SEMA4B: variants seen among roughly 807,000 people sequenced by gnomAD.
SEMA4B encodes the protein semaphorin-4B.
A neutral mutation model predicts 88.1 loss-of-function variants in SEMA4B; 55 were observed. That is an observed-to-expected ratio of 0.62 (90% CI 0.50 to 0.78). The LOEUF is 0.78. SEMA4B is among the 30% of genes least tolerant of loss of function. The pLI, the probability that SEMA4B is intolerant of heterozygous loss-of-function variation, is 0.00. For missense variants in SEMA4B, 1,062 were observed against 1,111.9 expected (o/e 0.96, Z 0.64); for synonymous variants, 525 against 473.6 (o/e 1.11, Z -1.41).
chr15:90,203,635 G>A (rs1308257083), intron 1 of SEMA4B, among the ~76,000 whole-genome samples: 4 of 152,178 alleles, frequency 2.6e-5, no homozygotes, highest in South Asian at 2.1e-4. Context: ...CTACAAGCCC[G>A]TGACTGTTCC....
At chr15:90,226,321 A>T (rs1476244742) in intron 12 of SEMA4B, among the ~76,000 whole-genome samples, 1 of 152,140 alleles carries the variant, frequency 6.6e-6, no homozygotes, top group African/African-American at 2.4e-5. Context: ...TAGATAACAA[A>T]AATCCTTTTA....
chr15:90,186,955 C>CA (rs1241426478), intron 1 of SEMA4B, among the ~76,000 whole-genome samples: 1 of 151,820 alleles, frequency 6.6e-6, no homozygotes, highest in African/African-American at 2.4e-5. Flanking sequence ...TAATAAAAAA[C>CA]AAAAAAATAA....
intron 4 of SEMA4B, 156 bp downstream of exon 4, chr15:90,220,047 C>A (rs1362411818): frequency 3.4e-6 from 2 of 581,936 alleles, no homozygotes; most frequent in Non-Finnish European, 6.0e-6. Flanking sequence ...AGGTCCCACA[C>A]CCTGGCACAA....
At chr15:90,198,138 C>T (rs925745676), upstream of SEMA4B, among the ~76,000 whole-genome samples, 1 of 151,862 alleles carries the variant, frequency 6.6e-6, no homozygotes, top group Non-Finnish European at 1.5e-5. Context: ...ACCATGGTCT[C>T]GATCTCCTGA....
Position 90,225,845 on chromosome 15 carries a change from C to T in SEMA4B, c.1688+18C>T, listed in dbSNP as rs778506295. The T allele has an allele frequency of 1.9e-5, 29 of 1,500,006 alleles. No individual in the cohort carries two copies. The highest frequency in any genetic ancestry group is 2.4e-5 in the Non-Finnish European group (27 of 1,126,064). The allele number at this position is 1,500,006 out of a possible 1,614,324, so 92.9% of individuals were successfully genotyped here. A position where few individuals can be genotyped will look rare whatever the true frequency, so the allele number is the denominator to read the frequency against. ...GCCACCAGGTGAGCACTCCCAAAGG[C>T]CCCTTCCCATCTGTCCAGCCCTGCA... On this transcript the variant is annotated intron_variant, in intron 12 of 13. Coordinates refer to ENST00000411539, the MANE Select transcript of SEMA4B (RefSeq NM_198925.4).
upstream of SEMA4B, among the ~76,000 whole-genome samples, chr15:90,197,576 T>C (rs1255658679): frequency 6.6e-6 from 1 of 151,488 alleles, no homozygotes; most frequent in African/African-American, 2.4e-5. Context: ...TAGCTGGGAC[T>C]ACAGGCGCCC....
In SEMA4B at chr15:90,217,512, G is replaced by A; in HGVS notation, c.231G>A (p.Arg77=). 1 of 1,613,964 alleles carries A rather than the reference G, an allele frequency of 6.2e-7. No individual in the cohort carries two copies. Among genetic ancestry groups the A allele is most frequent in the Non-Finnish European group, 8.5e-7 (1 of 1,179,886 alleles). Residue 77 remains arginine (R), a synonymous_variant, in exon 2 of 14, where the codon AGG becomes AGA. Coordinates refer to ENST00000411539, the MANE Select transcript of SEMA4B (RefSeq NM_198925.4). ...ISNYTALLLS[R]DGRTLYVGAR... is the part of the protein sequence containing the mutation. The stretch of plus-strand genomic sequence containing the variant: ...ACTACACAGCCCTTCTGCTGAGCAG[G>A]GATGGCAGGACCCTGTACGTGGGTG...
In SEMA4B at chr15:90,221,756, C is replaced by T. The variant is rs370338036; in HGVS notation, c.852C>T (p.Arg284=). 2.8e-4 allele frequency: 453 copies of T among 1,613,842 alleles called. 1 individual carries two copies. The Middle Eastern group carries it at 8.7e-3, about 31-fold the overall frequency. The change falls in exon 7 of 14, where the codon CGC becomes CGT. Residue 284 remains arginine (R), a synonymous_variant. Coordinates refer to ENST00000411539, the MANE Select transcript of SEMA4B (RefSeq NM_198925.4). ...FENTIVSRIA[R]ICKGDEGGER... Reference sequence around the variant, plus strand: ...ACACCATTGTGTCCCGCATTGCCCGCATCTGCAAGGTGAGGGGAACGGGCT... The same window carrying T: ...ACACCATTGTGTCCCGCATTGCCCGTATCTGCAAGGTGAGGGGAACGGGCT...
Position 90,201,505 on chromosome 15 carries a change from C to T in SEMA4B, c.-74C>T. ...GGCGACTCGGGGGCGGACCGCGGGGCGGAGCTGCCGCCCGTGAGTCCGGCC... is the reference window on the plus strand; with the variant it reads ...GGCGACTCGGGGGCGGACCGCGGGGTGGAGCTGCCGCCCGTGAGTCCGGCC... On this transcript the variant is annotated 5_prime_UTR_variant, in exon 1 of 14. Transcript: ENST00000411539. 2.3e-6 allele frequency: 3 copies of T among 1,322,814 alleles called. No individual in the cohort carries two copies. In the South Asian group the frequency reaches 6.1e-5, roughly 27 times the overall value. 81.9% of individuals were successfully genotyped at this position (1,322,814 alleles called of 1,614,324 possible).
intron 1 of SEMA4B, among the ~76,000 whole-genome samples, chr15:90,187,362 T>C (rs1335492783): frequency 6.6e-6 from 1 of 152,144 alleles, no homozygotes; most frequent in Non-Finnish European, 1.5e-5. Flanking sequence ...CCTTTGGAAA[T>C]GATTTGAGAC....
chr15:90,219,885 C>T lies in SEMA4B; in HGVS notation c.477C>T (p.Thr159=), dbSNP rs1482471528. The change falls in exon 4 of 14, where the codon ACC becomes ACT. Residue 159 remains threonine, a synonymous_variant. Coordinates refer to ENST00000411539, the MANE Select transcript of SEMA4B (RefSeq NM_198925.4). ...CGTAAFSPMC[T]YINMENFTLA... is the part of the protein sequence containing the mutation. Reference sequence around the variant, plus strand: ...CAGCAGCCTTCAGCCCCATGTGTACCTACATCGTGAGTGACCTGTCCTCAG... The same window carrying T: ...CAGCAGCCTTCAGCCCCATGTGTACTTACATCGTGAGTGACCTGTCCTCAG... 3 of 1,611,318 alleles carry T rather than the reference C, an allele frequency of 1.9e-6. No individual in the cohort carries two copies. In the Admixed American group the frequency reaches 5.0e-5, roughly 27 times the overall value.
intron 1 of SEMA4B, among the ~76,000 whole-genome samples, chr15:90,188,018 A>G (rs1960216413): frequency 1.4e-5 from 2 of 145,554 alleles, no homozygotes; most frequent in Admixed American, 1.4e-4. Flanking sequence ...AAAAAAAAAA[A>G]AGAAAGAAAA....
At chr15:90,225,863 G>C (rs1341237011) in intron 12 of SEMA4B, 36 bp downstream of exon 12, 1 of 1,452,152 alleles carries the variant, frequency 6.9e-7, no homozygotes, top group Admixed American at 2.6e-5. Flanking sequence ...CATCTGTCCA[G>C]CCCTGCACAG....
In SEMA4B at chr15:90,222,638, A is replaced by G. The variant is rs372529484; in HGVS notation, c.861+873A>G. ...TTACAAGTTAAAGAGGCACTGTAGCATCAGCTGGAGAGCACAGACCCTGGA... is the reference window on the plus strand; with the variant it reads ...TTACAAGTTAAAGAGGCACTGTAGCGTCAGCTGGAGAGCACAGACCCTGGA... On this transcript the variant is annotated intron_variant, in intron 7 of 13. Transcript: ENST00000411539. 2.3e-4 allele frequency among the ~76,000 whole-genome samples: 35 copies of G among 152,272 alleles called. No individual in the cohort carries two copies. In the South Asian group the frequency reaches 7.2e-3, roughly 32 times the overall value.
chr15:90,202,216 C>T (rs1960781116), intron 1 of SEMA4B, among the ~76,000 whole-genome samples: 1 of 152,388 alleles, frequency 6.6e-6, no homozygotes, highest in East Asian at 1.9e-4. Flanking sequence ...TCCGCCCCTC[C>T]ATCCCTGGCT....
intron 1 of SEMA4B, among the ~76,000 whole-genome samples, chr15:90,187,193 A>C (rs1430575050): frequency 6.6e-6 from 1 of 152,212 alleles, no homozygotes; most frequent in Non-Finnish European, 1.5e-5. Flanking sequence ...TGAAGCCAGC[A>C]AAGCTGGTGA....
rs538045440 is a variant in SEMA4B, at chr15:90,205,119, G to A, written c.157+3384G>A. On this transcript the variant is annotated intron_variant, in intron 1 of 13. Transcript: ENST00000411539. ...CCCTCCTGCCCCAGAAGTGCCGGGCGGGAAAGCTCTGGACGCAGTATTTCT... is the reference window on the plus strand; with the variant it reads ...CCCTCCTGCCCCAGAAGTGCCGGGCAGGAAAGCTCTGGACGCAGTATTTCT... 7.6e-4 allele frequency among the ~76,000 whole-genome samples: 115 copies of A among 152,294 alleles called. 1 individual carries two copies. The highest frequency in any genetic ancestry group is 2.6e-3 in the African/African-American group (108 of 41,560).
intron 1 of SEMA4B, among the ~76,000 whole-genome samples, chr15:90,215,530 G>T (rs1007219345): frequency 6.6e-6 from 1 of 152,186 alleles, no homozygotes; most frequent in East Asian, 1.9e-4. Context: ...GTGTACCAAG[G>T]TCTGGGCGCA....
At chr15:90,203,020 T>C (rs1317266849) in intron 1 of SEMA4B, among the ~76,000 whole-genome samples, 1 of 152,230 alleles carries the variant, frequency 6.6e-6, no homozygotes, top group East Asian at 1.9e-4. Context: ...ACTTAAAGTT[T>C]CTGGGTCTTG....
Sources: gnomAD v4.1 joint callset for allele counts (sites outside exome capture counted in the v4.1 genomes callset) on GRCh38, gnomAD v4.1.1 for gene constraint, MANE v1.5 for transcripts, NCBI Gene and HGNC (gene_info 2026-07-23, HGNC 2026-07-21) for gene names.